The following SPOCK1 variants were observed in gnomAD, a reference collection of about 807,000 sequenced individuals.
SPOCK1 encodes SPARC (osteonectin), cwcv and kazal like domains proteoglycan 1.
SPOCK1 carries 23 observed loss-of-function variants against 55.3 expected under a neutral mutation model. The observed-to-expected ratio is 0.42, with a 90% CI of 0.30 to 0.59. SPOCK1 has a LOEUF of 0.59. Ranked by LOEUF, SPOCK1 falls within the 20% of genes least tolerant of loss-of-function variation. SPOCK1 has a pLI of 0.22. For missense variants in SPOCK1, 499 were observed against 552.5 expected, an observed-to-expected ratio of 0.90 and a Z score of 0.97; for synonymous variants, 226 against 221.0, an observed-to-expected ratio of 1.02 and a Z score of -0.20.
intron 2 of SPOCK1, among the ~76,000 whole-genome samples, chr5:137,495,607 A>C (rs1754280846): frequency 6.6e-6 from 1 of 152,264 alleles, no homozygotes; most frequent in Admixed American, 6.5e-5. Flanking sequence ...AAGAAACAGC[A>C]AAGAAGCTGA....
At chr5:137,157,013 G>A (rs1014176000) in intron 3 of SPOCK1, among the ~76,000 whole-genome samples, 6 of 152,008 alleles carry the variant, frequency 3.9e-5, no homozygotes, top group Non-Finnish European at 7.4e-5. Context: ...AGAAAGATAT[G>A]GCCACACTTG....
chr5:137,196,761 C>G (rs1755306973), intron 3 of SPOCK1, among the ~76,000 whole-genome samples: 1 of 152,224 alleles, frequency 6.6e-6, no homozygotes, highest in Non-Finnish European at 1.5e-5. Flanking sequence ...ATGTTTCCCA[C>G]TGAACTATAA....
At chr5:137,489,609 C>T (rs893366688) in intron 2 of SPOCK1, among the ~76,000 whole-genome samples, 25 of 152,308 alleles carry the variant, frequency 1.6e-4, no homozygotes, top group Non-Finnish European at 3.2e-4. Flanking sequence ...AAAGAACAGG[C>T]CATCCTTCCA....
At chr5:137,356,838 T>TATAGAGAGAGAG (rs1554077335) in intron 2 of SPOCK1, among the ~76,000 whole-genome samples, 12 of 5,462 alleles carry the variant, frequency 2.2e-3, no homozygotes, top group Non-Finnish European at 2.8e-3. Context: ...TATATATATA[T>TATAGAGAGAGAG]AGAGAGAGAG....
At chr5:137,416,294 GA>G (rs35889581) in intron 2 of SPOCK1, among the ~76,000 whole-genome samples, 10,312 of 144,510 alleles carry the variant, frequency 0.071, 812 homozygotes, top group African/African-American at 0.2. Flanking sequence ...CCTCCCCTCT[GA>G]AAAAAAAAAA....
intron 6 of SPOCK1, among the ~76,000 whole-genome samples, chr5:137,042,520 A>C (rs939554426): frequency 2.0e-5 from 3 of 152,174 alleles, no homozygotes; most frequent in Non-Finnish European, 2.9e-5. Context: ...TGACACAGTA[A>C]TCTGAATGTA....
intron 2 of SPOCK1, among the ~76,000 whole-genome samples, chr5:137,438,457 C>T (rs1336417338): frequency 3.9e-5 from 6 of 152,166 alleles, no homozygotes; most frequent in Non-Finnish European, 8.8e-5. Context: ...GGTACACCTC[C>T]TAAATAACCC....
intron 6 of SPOCK1, among the ~76,000 whole-genome samples, chr5:137,051,488 T>G (rs1215745907): frequency 6.6e-6 from 1 of 152,206 alleles, no homozygotes; most frequent in Admixed American, 6.5e-5. Flanking sequence ...AGGTGAAATT[T>G]TATCTGGTCT....
At chr5:137,030,318 G>A (rs762138201) in intron 6 of SPOCK1, among the ~76,000 whole-genome samples, 19 of 152,168 alleles carry the variant, frequency 1.2e-4, no homozygotes, top group Non-Finnish European at 2.2e-4. Flanking sequence ...ACAAATGAGC[G>A]GTTTAAAGGT....
intron 3 of SPOCK1, among the ~76,000 whole-genome samples, chr5:137,202,969 G>A (rs926094631): frequency 3.3e-5 from 5 of 152,166 alleles, no homozygotes; most frequent in Admixed American, 1.3e-4. Context: ...CAAAGCACTC[G>A]ACTAATTAAA....
rs114270296 is a variant in SPOCK1 at position 137,291,810 on chromosome 5, C to G, written c.187-24755G>C. 5.6e-3 allele frequency among the ~76,000 whole-genome samples: 851 copies of G among 152,300 alleles called. 6 individuals carry two copies. Among genetic ancestry groups the G allele is most frequent in the African/African-American group, 0.019 (797 of 41,560 alleles). On this transcript the variant is annotated intron_variant, in intron 2 of 10. Coordinates refer to ENST00000394945, the MANE Select transcript of SPOCK1 (RefSeq NM_004598.4). ...GGTCCAGGCATGGCTGACCACACCC[C>G]CAGCCAGGCTGGCCACTGTGAGCTC...
chr5:137,439,598 A>G, intron 2 of SPOCK1, among the ~76,000 whole-genome samples: 1 of 152,196 alleles, frequency 6.6e-6, no homozygotes, highest in Non-Finnish European at 1.5e-5. Flanking sequence ...GGCAAAATAC[A>G]GGAGGTTTAA....
At chr5:137,485,888 G>A (rs1158230134) in intron 2 of SPOCK1, among the ~76,000 whole-genome samples, 1 of 152,208 alleles carries the variant, frequency 6.6e-6, no homozygotes, top group Non-Finnish European at 1.5e-5. Flanking sequence ...CTTCAAAGAT[G>A]CTGGTAATAT....
intron 5 of SPOCK1, among the ~76,000 whole-genome samples, chr5:137,092,128 T>C (rs1460842144): frequency 2.0e-5 from 3 of 152,200 alleles, no homozygotes; most frequent in African/African-American, 7.2e-5. Context: ...GTGTCAGGCA[T>C]TGTACAAGAT....
At chr5:137,197,732 G>A (rs1039607492) in intron 3 of SPOCK1, among the ~76,000 whole-genome samples, 11 of 152,164 alleles carry the variant, frequency 7.2e-5, no homozygotes, top group African/African-American at 2.7e-4. Context: ...TTCAAATCTA[G>A]TTCCACTTCC....
intron 3 of SPOCK1, among the ~76,000 whole-genome samples, chr5:137,159,233 G>A (rs1754480512): frequency 6.6e-6 from 1 of 152,170 alleles, no homozygotes. Context: ...ATCAGAAGGA[G>A]TTACATGAGG....
At chr5:137,096,798 T>C (rs1249910590) in intron 5 of SPOCK1, among the ~76,000 whole-genome samples, 1 of 152,216 alleles carries the variant, frequency 6.6e-6, no homozygotes, top group Non-Finnish European at 1.5e-5. Context: ...CATTGTTAAC[T>C]GAACCCAACC....
chr5:137,099,093 C>T (rs778720454), intron 5 of SPOCK1, among the ~76,000 whole-genome samples: 3 of 152,180 alleles, frequency 2.0e-5, no homozygotes, highest in African/African-American at 7.2e-5. Flanking sequence ...GTGCCCACAC[C>T]TTTTTTATCT....
chr5:137,220,815 T>G (rs1009830378), intron 3 of SPOCK1, among the ~76,000 whole-genome samples: 1 of 152,222 alleles, frequency 6.6e-6, no homozygotes, highest in Admixed American at 6.5e-5. Context: ...GTCTCCATAC[T>G]GAATCCTCAG....
Sources: gnomAD v4.1 joint callset for allele counts (sites outside exome capture counted in the v4.1 genomes callset) on GRCh38, gnomAD v4.1.1 for gene constraint, MANE v1.5 for transcripts, NCBI Gene and HGNC (gene_info 2026-07-23, HGNC 2026-07-21) for gene names.